Variants in DCDC1 observed in about 807,000 individuals in gnomAD.
DCDC1 encodes doublecortin domain-containing protein 1.
Under a neutral mutation model 178.3 loss-of-function variants are expected in DCDC1, and 200 were observed. That is an observed-to-expected ratio of 1.12 (90% CI 1.00 to 1.26). The LOEUF (loss-of-function observed/expected upper bound fraction) is 1.26. DCDC1 is among the 50% of genes most tolerant of loss of function. The probability of loss-of-function intolerance (pLI) is 0.00; values close to 1 mark genes in which losing one functional copy is unlikely to be tolerated. For synonymous variants in DCDC1, 690 were observed against 604.8 expected, an observed-to-expected ratio of 1.14 and a Z score of -2.07; for missense variants, 1,983 against 1,749.2, an observed-to-expected ratio of 1.13 and a Z score of -2.38.
chr11:30,899,350 T>C (rs672931), intron 34 of DCDC1, among the ~76,000 whole-genome samples, 191 bp downstream of exon 34: 76,453 of 151,852 alleles, frequency 0.5, 19,970 homozygotes, highest in Middle Eastern at 0.62. Context: ...TTTACAGATA[T>C]AAAATCAGAC....
chr11:31,172,049 T>A lies in DCDC1; in HGVS notation c.1222-34265A>T, dbSNP rs539646175. Among the ~76,000 whole-genome samples the A allele has an allele frequency of 3.9e-5, 6 of 152,264 alleles. No individual in the cohort carries two copies. The East Asian group carries it at 1.2e-3, about 29-fold the overall frequency. Reference sequence around the variant, plus strand: ...AATTGATAGAAGAGAAAACAAGTGATTGAATGAAAAAACTGATGGTCAGAG... The same window carrying A: ...AATTGATAGAAGAGAAAACAAGTGAATGAATGAAAAAACTGATGGTCAGAG... On this transcript the variant is annotated intron_variant, in intron 9 of 38. Coordinates refer to ENST00000684477, the MANE Select transcript of DCDC1 (RefSeq NM_001387274.1).
intron 20 of DCDC1, among the ~76,000 whole-genome samples, chr11:30,987,237 G>A (rs1371140258): frequency 6.6e-6 from 1 of 151,848 alleles, no homozygotes; most frequent in Non-Finnish European, 1.5e-5. Context: ...GGCTGGTCTC[G>A]TACTCCTGAC....
Position 31,345,610 on chromosome 11 carries a change from A to G in DCDC1, c.-124-10046T>C, listed in dbSNP as rs981841592. Among the ~76,000 whole-genome samples, 3 of 152,262 alleles carry G rather than the reference A, an allele frequency of 2.0e-5. No homozygotes were observed. In the East Asian group the frequency reaches 5.8e-4, roughly 29 times the overall value. ...AAGTAAAAAAAAAAATAAAAGATGA[A>G]AACATCAAGCATATAAATCCATGAG... On this transcript the variant is annotated intron_variant, in intron 1 of 38. Coordinates refer to ENST00000684477, the MANE Select transcript of DCDC1 (RefSeq NM_001387274.1).
At chr11:31,158,243 G>T (rs1481283666) in intron 9 of DCDC1, among the ~76,000 whole-genome samples, 1 of 151,644 alleles carries the variant, frequency 6.6e-6, no homozygotes, top group Non-Finnish European at 1.5e-5. Context: ...TGAGTAGCTG[G>T]GACTACAGGC....
chr11:31,078,676 G>A (rs1437054392), intron 17 of DCDC1, among the ~76,000 whole-genome samples: 1 of 152,104 alleles, frequency 6.6e-6, no homozygotes, highest in Non-Finnish European at 1.5e-5. Flanking sequence ...AACTAGTTCA[G>A]TACACATTAG....
intron 36 of DCDC1, among the ~76,000 whole-genome samples, chr11:30,885,234 A>C (rs1282990966): frequency 6.6e-6 from 1 of 150,624 alleles, no homozygotes; most frequent in African/African-American, 2.4e-5. Context: ...ATTTTACACC[A>C]GAAAAAGGAA....
At chr11:31,048,963 ACTT>A (rs72009536) in intron 20 of DCDC1, among the ~76,000 whole-genome samples, 2,289 of 152,338 alleles carry the variant, frequency 0.015, 51 homozygotes, top group African/African-American at 0.051. Context: ...TTGAAATCAA[ACTT>A]CTTTATTGTT....
At chr11:31,286,237 G>A (rs1303689243) in intron 7 of DCDC1, among the ~76,000 whole-genome samples, 3 of 152,018 alleles carry the variant, frequency 2.0e-5, no homozygotes, top group Non-Finnish European at 4.4e-5. Flanking sequence ...AAGGCCAGAC[G>A]ATTCTGATGC....
chr11:31,020,150 G>T (rs1952771027), intron 20 of DCDC1, among the ~76,000 whole-genome samples: 1 of 152,152 alleles, frequency 6.6e-6, no homozygotes. Flanking sequence ...AACAAGAGGT[G>T]CTGGATAAGT....
chr11:31,315,295 A>C (rs1334954634), intron 3 of DCDC1, among the ~76,000 whole-genome samples: 2 of 98,216 alleles, frequency 2.0e-5, no homozygotes, highest in Admixed American at 2.3e-4. Flanking sequence ...CATAGTTCCT[A>C]TTTGCATACC....
intron 20 of DCDC1, among the ~76,000 whole-genome samples, chr11:30,986,847 G>A (rs1330006973): frequency 6.6e-6 from 1 of 152,022 alleles, no homozygotes; most frequent in Non-Finnish European, 1.5e-5. Flanking sequence ...ATATAATAGA[G>A]TAAACAGTTC....
chr11:30,932,363 T>C (rs998627289), intron 21 of DCDC1, among the ~76,000 whole-genome samples: 1 of 152,208 alleles, frequency 6.6e-6, no homozygotes, highest in Admixed American at 6.5e-5. Context: ...AAAAGGAATA[T>C]ATTTGGAGAA....
chr11:30,871,011 G>A (rs139711937), intron 38 of DCDC1, among the ~76,000 whole-genome samples: 118 of 152,340 alleles, frequency 7.7e-4, no homozygotes, highest in African/African-American at 2.7e-3. Flanking sequence ...CTTACGTAGG[G>A]AAACTGTGCT....
At chr11:31,358,969 C>T (rs1283618781) in intron 1 of DCDC1, among the ~76,000 whole-genome samples, 1 of 152,152 alleles carries the variant, frequency 6.6e-6, no homozygotes, top group East Asian at 1.9e-4. Flanking sequence ...AATAGGAACA[C>T]TATTACACTG....
chr11:30,896,580 G>C (rs569749598), intron 34 of DCDC1, among the ~76,000 whole-genome samples: 4 of 152,298 alleles, frequency 2.6e-5, no homozygotes, highest in Non-Finnish European at 5.9e-5. Flanking sequence ...TCAGTTAGCA[G>C]ACTTATTTCG....
chr11:31,336,793 C>T (rs1343190646), intron 1 of DCDC1, among the ~76,000 whole-genome samples: 1 of 152,162 alleles, frequency 6.6e-6, no homozygotes, highest in Non-Finnish European at 1.5e-5. Context: ...ACCATATGAA[C>T]ATGTTATGGC....
intron 11 of DCDC1, among the ~76,000 whole-genome samples, chr11:31,111,974 A>G (rs1253795398): frequency 1.3e-5 from 2 of 152,192 alleles, no homozygotes; most frequent in Non-Finnish European, 2.9e-5. Flanking sequence ...ACTGCTGATA[A>G]TAAGCCTTCC....
chr11:31,355,212 T>C (rs1383867393), intron 1 of DCDC1, among the ~76,000 whole-genome samples: 1 of 152,158 alleles, frequency 6.6e-6, no homozygotes, highest in Non-Finnish European at 1.5e-5. Context: ...GGAGAAATAA[T>C]GTAAAAATCA....
At chr11:31,161,043 A>T (rs1966275389) in intron 9 of DCDC1, among the ~76,000 whole-genome samples, 1 of 152,164 alleles carries the variant, frequency 6.6e-6, no homozygotes, top group South Asian at 2.1e-4. Context: ...CATTGCAGGA[A>T]TTTTTTAAAA....
Sources: allele counts gnomAD v4.1 joint callset (sites outside exome capture counted in the v4.1 genomes callset), GRCh38; gene constraint gnomAD v4.1.1; transcripts MANE v1.5; gene names NCBI Gene and HGNC (gene_info 2026-07-23, HGNC 2026-07-21).